The following MALRD1 variants were observed in gnomAD, a reference collection of about 807,000 sequenced individuals.
MALRD1 encodes the protein MAM and LDL receptor class A domain containing 1.
In MALRD1, 247 loss-of-function variants were observed where a neutral mutation model predicts 242.1. The ratio of observed to expected loss-of-function variants is 1.02; its 90% CI spans 0.92 to 1.13. The LOEUF (loss-of-function observed/expected upper bound fraction) is 1.13, where lower values mean the gene tolerates loss of function less well. Ranked by LOEUF, MALRD1 falls within the 50% of genes most tolerant of loss-of-function variation. The pLI, the probability that MALRD1 is intolerant of heterozygous loss-of-function variation, is 0.00. For missense variants in MALRD1, 2,989 were observed against 2,533.1 expected, an observed-to-expected ratio of 1.18 and a Z score of -3.86; for synonymous variants, 995 against 866.6, an observed-to-expected ratio of 1.15 and a Z score of -2.60.
chr10:19,689,262 G>C (rs1842726039), intron 36 of MALRD1, among the ~76,000 whole-genome samples: 1 of 152,158 alleles, frequency 6.6e-6, no homozygotes, highest in Non-Finnish European at 1.5e-5. Context: ...CTGTACGTGT[G>C]TGTGTTCTAT....
At chr10:19,196,189 G>A (rs1308914919) in intron 14 of MALRD1, among the ~76,000 whole-genome samples, 1 of 152,050 alleles carries the variant, frequency 6.6e-6, no homozygotes, top group Non-Finnish European at 1.5e-5. Context: ...AGAAAAAAAA[G>A]TTTTTACCTC....
chr10:19,634,411 T>C (rs985013625), intron 36 of MALRD1, among the ~76,000 whole-genome samples: 9 of 152,108 alleles, frequency 5.9e-5, no homozygotes, highest in Non-Finnish European at 1.3e-4. Context: ...ATTAGGCCCA[T>C]TTTTGTGACT....
At chr10:19,531,493 T>A in intron 32 of MALRD1, 142 bp downstream of exon 32, 1 of 811,528 alleles carries the variant, frequency 1.2e-6, no homozygotes. Context: ...TCTGGGGCAG[T>A]GGGACTTTGG....
At chr10:19,354,173 A>T (rs905832280) in intron 26 of MALRD1, among the ~76,000 whole-genome samples, 1 of 152,144 alleles carries the variant, frequency 6.6e-6, no homozygotes, top group Non-Finnish European at 1.5e-5. Context: ...TATTTTAGGA[A>T]ATCTGCAACA....
At chr10:19,548,498 G>A (rs181787209) in intron 32 of MALRD1, among the ~76,000 whole-genome samples, 12 of 152,240 alleles carry the variant, frequency 7.9e-5, no homozygotes, top group African/African-American at 2.9e-4. Flanking sequence ...TCTTTGGCAA[G>A]ATGTGACTGG....
chr10:19,624,878 GAAA>G (rs145042762), intron 36 of MALRD1, among the ~76,000 whole-genome samples: 6,461 of 119,954 alleles, frequency 0.054, 387 homozygotes, highest in African/African-American at 0.14. Flanking sequence ...CTCAAAAAAG[GAAA>G]AAAAAAAAAA....
At chr10:19,233,891 CTATTA>C (rs1480961970) in intron 18 of MALRD1, among the ~76,000 whole-genome samples, 1 of 150,924 alleles carries the variant, frequency 6.6e-6, no homozygotes, top group African/African-American at 2.4e-5. Flanking sequence ...TAAGGTTTCC[CTATTA>C]TATTCAATTG....
At chr10:19,219,813 C>T (rs1294464652) in intron 18 of MALRD1, among the ~76,000 whole-genome samples, 1 of 149,162 alleles carries the variant, frequency 6.7e-6, no homozygotes, top group East Asian at 2.0e-4. Flanking sequence ...AGAGATAGTG[C>T]CTGCAGATCT....
chr10:19,128,304 C>A lies in MALRD1; in HGVS notation c.1027C>A (p.His343Asn), dbSNP rs1189768836. ...SRAYLNSSVCHCLGKSCHLQF... is the reference protein window; with the variant it reads ...SRAYLNSSVCNCLGKSCHLQF... The stretch of plus-strand genomic sequence containing the variant: ...GGCTTACCTAAATAGCTCTGTGTGT[C>A]ATTGCCTGGGCAAGAGCTGTCATCT... The change falls in exon 8 of 40, where the codon CAT becomes AAT. Residue 343 changes from histidine to asparagine, a missense_variant. Physicochemically the swap from His to Asn is moderately conservative, Grantham distance 68. Transcript: ENST00000454679. 7 of 1,233,360 alleles carry A rather than the reference C, an allele frequency of 5.7e-6. No individual in the cohort carries two copies. In the East Asian group the frequency reaches 1.3e-4, roughly 22 times the overall value. 76.4% of individuals were successfully genotyped at this position (1,233,360 alleles called of 1,614,324 possible).
chr10:19,699,277 AGAAAGGAGGGAAAGGAGG>A (rs71388858), intron 38 of MALRD1, among the ~76,000 whole-genome samples: 2,947 of 144,532 alleles, frequency 0.02, 111 homozygotes, highest in African/African-American at 0.066. Flanking sequence ...TGTACTGTGG[AGAAAGGAGGGAAAGGAGG>A]GAAAGGAGGG....
chr10:19,365,447 T>G (rs1845065571), intron 26 of MALRD1, among the ~76,000 whole-genome samples: 1 of 152,092 alleles, frequency 6.6e-6, no homozygotes, highest in African/African-American at 2.4e-5. Flanking sequence ...GTCTCTTGGT[T>G]TCTAATTTTG....
chr10:19,268,468 C>T (rs997000732), intron 19 of MALRD1, among the ~76,000 whole-genome samples: 1 of 152,006 alleles, frequency 6.6e-6, no homozygotes, highest in Admixed American at 6.6e-5. Flanking sequence ...ATGATATTCC[C>T]CCAAAGCTAT....
intron 33 of MALRD1, among the ~76,000 whole-genome samples, chr10:19,573,448 G>T (rs1836659118): frequency 6.6e-6 from 1 of 152,170 alleles, no homozygotes; most frequent in Admixed American, 6.5e-5. Context: ...TGGAAGCCCA[G>T]TGGAGCAGAG....
At chr10:19,543,084 A>G (rs1189589856) in intron 32 of MALRD1, among the ~76,000 whole-genome samples, 5 of 152,142 alleles carry the variant, frequency 3.3e-5, no homozygotes, top group South Asian at 2.1e-4. Flanking sequence ...CAAGAGTACT[A>G]TTAATTATTA....
At chr10:19,290,879 T>C (rs1044591237) in intron 21 of MALRD1, among the ~76,000 whole-genome samples, 2 of 152,176 alleles carry the variant, frequency 1.3e-5, no homozygotes, top group Non-Finnish European at 2.9e-5. Flanking sequence ...CAGTTTGTGA[T>C]TTTATATGAT....
chr10:19,227,048 A>G (rs1837830692), intron 18 of MALRD1, among the ~76,000 whole-genome samples: 2 of 152,084 alleles, frequency 1.3e-5, no homozygotes, highest in Non-Finnish European at 2.9e-5. Context: ...GTAAATATAT[A>G]TGTAATACTT....
chr10:19,378,087 T>C (rs974452761), intron 26 of MALRD1, among the ~76,000 whole-genome samples: 5 of 152,130 alleles, frequency 3.3e-5, no homozygotes, highest in African/African-American at 9.7e-5. Context: ...CATTTAGCTT[T>C]TCAAATATAT....
chr10:19,689,699 T>C (rs1250082071), intron 36 of MALRD1, among the ~76,000 whole-genome samples: 1 of 152,158 alleles, frequency 6.6e-6, no homozygotes, highest in Non-Finnish European at 1.5e-5. Context: ...TTAACGTTTT[T>C]GGTTTCTTCT....
At chr10:19,318,974 T>TACACAC (rs5783665) in intron 21 of MALRD1, among the ~76,000 whole-genome samples, 25 of 149,050 alleles carry the variant, frequency 1.7e-4, no homozygotes, top group East Asian at 4.0e-4. Flanking sequence ...TACACAGACA[T>TACACAC]ACACACACAC....
Sources: gnomAD v4.1 joint callset for allele counts (sites outside exome capture counted in the v4.1 genomes callset) on GRCh38, gnomAD v4.1.1 for gene constraint, MANE v1.5 for transcripts, NCBI Gene and HGNC (gene_info 2026-07-23, HGNC 2026-07-21) for gene names.